Variants in DOK6 observed in about 807,000 individuals in gnomAD.
DOK6 encodes the protein downstream of tyrosine kinase 6.
DOK6 carries 22 observed loss-of-function variants against 44.0 expected under a neutral mutation model. That is an observed-to-expected ratio of 0.50 (90% CI 0.36 to 0.71). DOK6 has a LOEUF of 0.71. DOK6 is among the 30% of genes least tolerant of loss of function. The pLI is 0.00. For synonymous variants in DOK6, 166 were observed against 145.5 expected, an observed-to-expected ratio of 1.14 and a Z score of -1.01; for missense variants, 340 against 416.4, an observed-to-expected ratio of 0.82 and a Z score of 1.60.
intron 5 of DOK6, among the ~76,000 whole-genome samples, chr18:69,733,609 A>G (rs1220928768): frequency 1.3e-5 from 2 of 152,220 alleles, no homozygotes; most frequent in Non-Finnish European, 2.9e-5. Context: ...CATGTTGGAC[A>G]ATAGATCTCT....
chr18:69,546,167 C>T (rs1001274246), intron 1 of DOK6, among the ~76,000 whole-genome samples: 4 of 150,626 alleles, frequency 2.7e-5, no homozygotes, highest in Non-Finnish European at 5.9e-5. Flanking sequence ...ATCCCAGCTA[C>T]TTGGGAGGCT....
intron 6 of DOK6, among the ~76,000 whole-genome samples, chr18:69,745,628 A>T (rs1369458788): frequency 6.6e-6 from 1 of 152,150 alleles, no homozygotes; most frequent in Non-Finnish European, 1.5e-5. Flanking sequence ...GAAACACAGT[A>T]GGATTTCAGA....
At chr18:69,817,638 C>A (rs1285020682) in intron 7 of DOK6, among the ~76,000 whole-genome samples, 1 of 152,100 alleles carries the variant, frequency 6.6e-6, no homozygotes, top group Admixed American at 6.6e-5. Flanking sequence ...ACTTCTATAG[C>A]CTTAGGACCC....
At chr18:69,674,617 TAC>T (rs1985879662) in intron 3 of DOK6, among the ~76,000 whole-genome samples, 1 of 152,106 alleles carries the variant, frequency 6.6e-6, no homozygotes, top group South Asian at 2.1e-4. Context: ...ACATTACACA[TAC>T]AGTGCTATGC....
intron 3 of DOK6, among the ~76,000 whole-genome samples, chr18:69,654,476 T>A (rs2144665824): frequency 6.6e-6 from 1 of 152,266 alleles, no homozygotes; most frequent in South Asian, 2.1e-4. Context: ...GGACTTGAAT[T>A]TTTTGCATAA....
chr18:69,629,930 A>G (rs1214302612), intron 3 of DOK6, among the ~76,000 whole-genome samples: 1 of 151,964 alleles, frequency 6.6e-6, no homozygotes, highest in Non-Finnish European at 1.5e-5. Flanking sequence ...ATCTGGGATT[A>G]CAGGTGCTAA....
At chr18:69,795,785 G>A (rs956367088) in intron 7 of DOK6, among the ~76,000 whole-genome samples, 7 of 152,158 alleles carry the variant, frequency 4.6e-5, no homozygotes, top group African/African-American at 1.7e-4. Context: ...CAAAGTAAAG[G>A]TCTTTAAGGA....
chr18:69,512,267 C>A (rs777739404), intron 1 of DOK6, among the ~76,000 whole-genome samples: 3 of 150,942 alleles, frequency 2.0e-5, no homozygotes, highest in African/African-American at 7.3e-5. Flanking sequence ...CTATCTTGAG[C>A]GTCATACTTT....
chr18:69,630,883 T>C (rs573397275), intron 3 of DOK6, among the ~76,000 whole-genome samples: 16 of 152,324 alleles, frequency 1.1e-4, no homozygotes, highest in African/African-American at 3.8e-4. Flanking sequence ...GGCATTTTCT[T>C]AAGATAGCTA....
chr18:69,728,284 G>C (rs1415379730), intron 5 of DOK6, among the ~76,000 whole-genome samples: 1 of 152,032 alleles, frequency 6.6e-6, no homozygotes, highest in Admixed American at 6.6e-5. Context: ...ACTCAGCTAA[G>C]AGACATCGGG....
intron 7 of DOK6, among the ~76,000 whole-genome samples, chr18:69,767,447 C>G (rs921775428): frequency 1.3e-5 from 2 of 152,130 alleles, no homozygotes; most frequent in East Asian, 3.9e-4. Flanking sequence ...CCTTATATTG[C>G]TCAGTCCAGG....
At chr18:69,459,185 TTTTGTGTGTGTG>T (rs1979718248) in intron 1 of DOK6, among the ~76,000 whole-genome samples, 1 of 43,524 alleles carries the variant, frequency 2.3e-5, no homozygotes, top group Non-Finnish European at 4.2e-5. Flanking sequence ...AAAAAAAATA[TTTTGTGTGTGTG>T]TGTGTGTGTG....
At chr18:69,655,827 CTAAAATATGAAAAATAAAATA>C (rs1421438343) in intron 3 of DOK6, among the ~76,000 whole-genome samples, 18 of 118,584 alleles carry the variant, frequency 1.5e-4, no homozygotes, top group Middle Eastern at 5.1e-3. Context: ...AAACCTTAAT[CTAAAATATGAAAAATAAAATA>C]TGACATATGA....
intron 3 of DOK6, among the ~76,000 whole-genome samples, chr18:69,620,895 G>C (rs1984425201): frequency 6.6e-6 from 1 of 152,116 alleles, no homozygotes; most frequent in Admixed American, 6.5e-5. Context: ...AAGCACAATA[G>C]CTGTTTAAAT....
At chr18:69,542,753 G>A (rs145484664) in intron 1 of DOK6, among the ~76,000 whole-genome samples, 12 of 151,420 alleles carry the variant, frequency 7.9e-5, no homozygotes, top group African/African-American at 2.9e-4. Context: ...AGTCATTCTT[G>A]AAGTTATTTC....
Position 69,583,979 on chromosome 18 carries a change from G to T in DOK6, c.175-15405G>T, listed in dbSNP as rs555054225. Among the ~76,000 whole-genome samples the T allele has an allele frequency of 7.9e-5, 12 of 151,386 alleles. No homozygotes were observed. In the East Asian group the frequency reaches 2.4e-3, roughly 30 times the overall value. On this transcript the variant is annotated intron_variant, in intron 2 of 7. Transcript: ENST00000382713. ...AAAAATTAGCCAGGCGTGGTGGCGG[G>T]CGCCTGTAGTCCCAGCTACTCAGGA...
rs182122549 is a variant in DOK6 at position 69,541,815 on chromosome 18, C to T, written c.67-22672C>T. Among the ~76,000 whole-genome samples, 102 of 151,642 alleles carry T rather than the reference C, an allele frequency of 6.7e-4. 1 individual carries two copies. The highest frequency in any genetic ancestry group is 2.3e-3 in the African/African-American group (96 of 41,512). On this transcript the variant is annotated intron_variant, in intron 1 of 7. Coordinates refer to ENST00000382713, the MANE Select transcript of DOK6 (RefSeq NM_152721.6). ...CAATGAACAGGAAAGCTTGATTTGCCAAACAATTCCTTCCTTGAAAACTCT... is the reference window on the plus strand; with the variant it reads ...CAATGAACAGGAAAGCTTGATTTGCTAAACAATTCCTTCCTTGAAAACTCT...
At chr18:69,748,444 C>T (rs1979061266) in intron 6 of DOK6, among the ~76,000 whole-genome samples, 1 of 152,064 alleles carries the variant, frequency 6.6e-6, no homozygotes, top group Non-Finnish European at 1.5e-5. Flanking sequence ...CACCATGGCA[C>T]TTACTCTAAA....
At chr18:69,827,594 C>G (rs948124148) in intron 7 of DOK6, among the ~76,000 whole-genome samples, 1 of 151,934 alleles carries the variant, frequency 6.6e-6, no homozygotes, top group Non-Finnish European at 1.5e-5. Flanking sequence ...TAACACATAT[C>G]GTCGAAGTCA....
Sources: gnomAD v4.1 joint callset for allele counts (sites outside exome capture counted in the v4.1 genomes callset) on GRCh38, gnomAD v4.1.1 for gene constraint, MANE v1.5 for transcripts, NCBI Gene and HGNC (gene_info 2026-07-23, HGNC 2026-07-21) for gene names.